Variants in RASAL2 observed in about 807,000 individuals in gnomAD.
RASAL2 encodes ras GTPase-activating protein nGAP.
Under a neutral mutation model 128.9 loss-of-function variants are expected in RASAL2, and 58 were observed. That is an observed-to-expected ratio of 0.45 (90% confidence interval 0.36 to 0.56). RASAL2 has a LOEUF of 0.56. RASAL2 is among the 20% of genes least tolerant of loss of function. The pLI is 0.00. For synonymous variants in RASAL2, 561 were observed against 580.8 expected, an observed-to-expected ratio of 0.97 and a Z score of 0.49; for missense variants, 1,360 against 1,601.6, an observed-to-expected ratio of 0.85 and a Z score of 2.57.
chr1:178,310,584 T>TG, intron 3 of RASAL2, among the ~76,000 whole-genome samples: 1 of 152,178 alleles, frequency 6.6e-6, no homozygotes, highest in East Asian at 1.9e-4. Flanking sequence ...CAGTAACATT[T>TG]TTTTTCGATT....
At chr1:178,238,233 C>T in intron 1 of RASAL2, among the ~76,000 whole-genome samples, 1 of 152,134 alleles carries the variant, frequency 6.6e-6, no homozygotes, top group East Asian at 1.9e-4. Context: ...CATGGCTCCT[C>T]CATGTTATAG....
At chr1:178,194,305 A>G (rs1662587892) in intron 1 of RASAL2, 1 of 222,642 alleles carries the variant, frequency 4.5e-6, no homozygotes, top group Non-Finnish European at 9.9e-6. Context: ...AGTATTTTAC[A>G]GCATTTACTA....
intron 2 of RASAL2, among the ~76,000 whole-genome samples, chr1:178,294,601 ATCTG>A (rs891447760): frequency 2.6e-5 from 4 of 152,150 alleles, no homozygotes; most frequent in African/African-American, 9.7e-5. Context: ...CCCCCTCACT[ATCTG>A]TCTATCTGTC....
At position 178,265,043 on chromosome 1, in the gene RASAL2, G is replaced by A. The variant is rs185641201; in HGVS notation, c.203-18521G>A. Among the ~76,000 whole-genome samples the A allele has an allele frequency of 1.6e-3, 248 of 152,280 alleles. 1 individual carries two copies. Among genetic ancestry groups the A allele is most frequent in the Non-Finnish European group, 1.2e-3 (79 of 68,012 alleles). On this transcript the variant is annotated intron_variant, in intron 1 of 17. Coordinates refer to ENST00000367649, the MANE Select transcript of RASAL2 (RefSeq NM_170692.4). ...AAATTCTAAGGATTTTAGCAGTTCT[G>A]TGCTAGGAACCGGGGACAAAGACCA...
intron 4 of RASAL2, among the ~76,000 whole-genome samples, chr1:178,401,610 A>T (rs917942055): frequency 6.6e-6 from 1 of 152,172 alleles, no homozygotes; most frequent in African/African-American, 2.4e-5. Flanking sequence ...GTGAATAGCC[A>T]CTGAACTCCA....
intron 3 of RASAL2, among the ~76,000 whole-genome samples, chr1:178,375,500 A>G (rs1346546727): frequency 6.6e-6 from 1 of 152,154 alleles, no homozygotes; most frequent in East Asian, 1.9e-4. Flanking sequence ...CAGGTATGCA[A>G]TAAGTGCCTC....
chr1:178,330,687 C>T (rs1421469020), intron 3 of RASAL2, among the ~76,000 whole-genome samples: 1 of 152,024 alleles, frequency 6.6e-6, no homozygotes, highest in African/African-American at 2.4e-5. Context: ...TCAATAATAG[C>T]TTGTGGGTCC....
At chr1:178,201,493 A>G (rs950794649) in intron 1 of RASAL2, among the ~76,000 whole-genome samples, 4 of 152,228 alleles carry the variant, frequency 2.6e-5, no homozygotes, top group African/African-American at 9.6e-5. Context: ...CAGCATCTGC[A>G]TCTTGGAAGA....
At chr1:178,178,621 A>G (rs1571590240) in intron 1 of RASAL2, among the ~76,000 whole-genome samples, 1 of 152,184 alleles carries the variant, frequency 6.6e-6, no homozygotes, top group Admixed American at 6.5e-5. Flanking sequence ...TCTCCTTCGC[A>G]GTGCTTTTTC....
At chr1:178,110,728 A>G (rs780479004) in intron 1 of RASAL2, among the ~76,000 whole-genome samples, 2 of 150,000 alleles carry the variant, frequency 1.3e-5, no homozygotes, top group Non-Finnish European at 3.0e-5. Flanking sequence ...GCTGGGATTA[A>G]GGCACACACT....
intron 15 of RASAL2, among the ~76,000 whole-genome samples, chr1:178,464,828 G>GTTGTTTTTTTTTTT (rs1647488230): frequency 2.9e-5 from 1 of 34,440 alleles, no homozygotes; most frequent in African/African-American, 1.4e-4. Context: ...TTTGGTTTTA[G>GTTGTTTTTTTTTTT]TTGTTTTTTT....
intron 1 of RASAL2, among the ~76,000 whole-genome samples, chr1:178,140,081 G>A (rs925767784): frequency 6.6e-6 from 1 of 152,164 alleles, no homozygotes; most frequent in East Asian, 1.9e-4. Flanking sequence ...TATGAAAGCA[G>A]ATTGGAAGTT....
At chr1:178,426,742 C>T (rs1484231500) in intron 5 of RASAL2, among the ~76,000 whole-genome samples, 1 of 151,982 alleles carries the variant, frequency 6.6e-6, no homozygotes, top group Non-Finnish European at 1.5e-5. Flanking sequence ...CTTGAAAATT[C>T]TGAGCGGAAA....
chr1:178,424,530 C>T (rs760576715), intron 5 of RASAL2, among the ~76,000 whole-genome samples: 2 of 152,154 alleles, frequency 1.3e-5, no homozygotes, highest in African/African-American at 4.8e-5. Context: ...GGCACGATCA[C>T]GGTTCACTGC....
At chr1:178,453,522 G>T (rs1246779685) in intron 11 of RASAL2, among the ~76,000 whole-genome samples, 1 of 151,962 alleles carries the variant, frequency 6.6e-6, no homozygotes, top group Non-Finnish European at 1.5e-5. Flanking sequence ...TTTTCTGTAG[G>T]TTTAAAATTT....
chr1:178,200,692 A>G (rs1021256737), intron 1 of RASAL2, among the ~76,000 whole-genome samples: 1 of 152,184 alleles, frequency 6.6e-6, no homozygotes, highest in African/African-American at 2.4e-5. Context: ...CCAGGTGTCT[A>G]CTATTAAAGT....
chr1:178,239,467 A>G (rs561392111), intron 1 of RASAL2, among the ~76,000 whole-genome samples: 2 of 152,220 alleles, frequency 1.3e-5, no homozygotes, highest in East Asian at 3.9e-4. Context: ...CAACTGGCAG[A>G]ATAATATGCA....
chr1:178,414,103 A>G (rs1408531137), intron 4 of RASAL2, among the ~76,000 whole-genome samples: 1 of 152,260 alleles, frequency 6.6e-6, no homozygotes, highest in Non-Finnish European at 1.5e-5. Flanking sequence ...CTTGACTTAC[A>G]ATAGGGTTAT....
At chr1:178,296,117 ATATATATGTGTATATATATGTGTGTG>A (rs1430595394) in intron 2 of RASAL2, among the ~76,000 whole-genome samples, 3 of 108,812 alleles carry the variant, frequency 2.8e-5, no homozygotes, top group East Asian at 2.4e-4. Context: ...ATATGTGTGT[ATATATATGTGTATATATATGTGTGTG>A]TATATATGTG....
Sources: allele counts gnomAD v4.1 joint callset (sites outside exome capture counted in the v4.1 genomes callset), GRCh38; gene constraint gnomAD v4.1.1; transcripts MANE v1.5; gene names NCBI Gene and HGNC (gene_info 2026-07-23, HGNC 2026-07-21).